Variants in WASHC2C observed in about 807,000 individuals in gnomAD.
The protein encoded by WASHC2C is Vaccinia Penetration Factor.
A neutral mutation model predicts 142.2 loss-of-function variants in WASHC2C; 73 were observed. The observed-to-expected ratio is 0.51, with a 90% confidence interval of 0.43 to 0.62. The LOEUF is 0.62. WASHC2C is among the 20% of genes least tolerant of loss of function. WASHC2C has a pLI of 0.00. For synonymous variants in WASHC2C, 337 were observed against 565.5 expected (o/e 0.60, Z 5.73); for missense variants, 969 against 1,531.7 (o/e 0.63, Z 6.13).
At chr10:45,762,893 G>A (rs1364476627) in intron 17 of WASHC2C, among the ~76,000 whole-genome samples, 19 of 152,154 alleles carry the variant, frequency 1.2e-4, no homozygotes, top group African/African-American at 3.1e-4. Context: ...GCAACAGAGC[G>A]AGACTCTGCC....
At chr10:45,761,083 C>T (rs1411231963) in intron 17 of WASHC2C, among the ~76,000 whole-genome samples, 1 of 151,948 alleles carries the variant, frequency 6.6e-6, no homozygotes, top group East Asian at 1.9e-4. Context: ...TGTTGTCTCA[C>T]AGTTCGAGAG....
At chr10:45,780,112 C>T (rs1287606504) in intron 23 of WASHC2C, among the ~76,000 whole-genome samples, 9 of 151,194 alleles carry the variant, frequency 6.0e-5, no homozygotes, top group Non-Finnish European at 1.2e-4. Flanking sequence ...AAATCCTCAA[C>T]AAAAATACTA....
At chr10:45,748,280 T>G (rs2134487812) in intron 8 of WASHC2C, among the ~76,000 whole-genome samples, 1 of 127,246 alleles carries the variant, frequency 7.9e-6, no homozygotes, top group South Asian at 2.6e-4. Context: ...CAGTTTTTCT[T>G]TCCTTTTTTT....
At position 45,789,446 on chromosome 10, in the gene WASHC2C, C is replaced by A; in HGVS notation, c.3663C>A (p.Ser1221=). ...AAGTCAAGAAGAATGAGACAAAATC[C>A]AGTAGTCAGCAGGATGTCATATTAA... ...DQKVKKNETK[S]SSQQDVILTT... Residue 1221 remains serine, a synonymous_variant, in exon 29 of 31, where the codon TCC becomes TCA. Transcript: ENST00000623400. 6.2e-7 allele frequency: 1 copy of A among 1,611,982 alleles called. No homozygotes were observed. The highest frequency in any genetic ancestry group is 8.5e-7 in the Non-Finnish European group (1 of 1,179,850).
intron 3 of WASHC2C, among the ~76,000 whole-genome samples, chr10:45,730,174 G>A (rs1289329521): frequency 7.0e-5 from 9 of 128,192 alleles, no homozygotes; most frequent in Non-Finnish European, 9.9e-5. Flanking sequence ...GAGAAACCCC[G>A]TCTCTACTAA....
intron 19 of WASHC2C, among the ~76,000 whole-genome samples, chr10:45,766,429 C>A (rs2135253560): frequency 6.9e-6 from 1 of 144,164 alleles, no homozygotes; most frequent in South Asian, 2.3e-4. Flanking sequence ...TGACCTACTC[C>A]AGAGAGGGTT....
At chr10:45,741,353 TTGC>T (rs1209102943) in intron 5 of WASHC2C, among the ~76,000 whole-genome samples, 1 of 152,172 alleles carries the variant, frequency 6.6e-6, no homozygotes, top group Non-Finnish European at 1.5e-5. Flanking sequence ...ACCAGTACAC[TTGC>T]TGCTTGGATT....
intron 23 of WASHC2C, 108 bp from the exon 24 acceptor site, chr10:45,784,457 A>T (rs2057876480): frequency 7.3e-7 from 1 of 1,377,062 alleles, no homozygotes; most frequent in Non-Finnish European, 9.7e-7. Context: ...TTGCTAATAT[A>T]ATACAGCTGC....
intron 4 of WASHC2C, among the ~76,000 whole-genome samples, chr10:45,739,371 C>G (rs2051694321): frequency 6.8e-6 from 1 of 147,198 alleles, no homozygotes; most frequent in Non-Finnish European, 1.5e-5. Flanking sequence ...GGGGAAATGA[C>G]ACTAAATATT....
intron 21 of WASHC2C, among the ~76,000 whole-genome samples, chr10:45,773,850 A>AC (rs2056837788): frequency 7.2e-6 from 1 of 139,326 alleles, no homozygotes; most frequent in Non-Finnish European, 1.6e-5. Context: ...GTAAAAAAAA[A>AC]CCCAGGGTGG....
intron 3 of WASHC2C, among the ~76,000 whole-genome samples, chr10:45,735,730 T>C (rs1232293943): frequency 6.6e-6 from 1 of 152,230 alleles, no homozygotes; most frequent in Non-Finnish European, 1.5e-5. Context: ...AGTAGAATTT[T>C]GGGTCAGAGG....
intron 23 of WASHC2C, among the ~76,000 whole-genome samples, 183 bp from the exon 24 acceptor site, chr10:45,784,382 A>G (rs2057870937): frequency 7.1e-6 from 1 of 141,812 alleles, no homozygotes. Context: ...TGGAAGCGCC[A>G]TAGCATTCCA....
chr10:45,779,505 C>G (rs2057338159), intron 23 of WASHC2C, among the ~76,000 whole-genome samples: 1 of 152,180 alleles, frequency 6.6e-6, no homozygotes, highest in African/African-American at 2.4e-5. Context: ...GTAGATGAAC[C>G]TTTCATACTG....
intron 7 of WASHC2C, among the ~76,000 whole-genome samples, chr10:45,745,710 A>G (rs2052732934): frequency 6.6e-6 from 1 of 151,990 alleles, no homozygotes; most frequent in South Asian, 2.1e-4. Flanking sequence ...CACTTCATCA[A>G]TAGTTGCTCG....
intron 25 of WASHC2C, 94 bp from the exon 26 acceptor site, chr10:45,785,415 A>T: frequency 6.7e-7 from 1 of 1,490,764 alleles, no homozygotes. Flanking sequence ...AGTATTTTTA[A>T]GACTCAGAAG....
intron 6 of WASHC2C, among the ~76,000 whole-genome samples, chr10:45,744,240 G>A (rs2052517851): frequency 6.8e-6 from 1 of 148,044 alleles, no homozygotes; most frequent in African/African-American, 2.5e-5. Flanking sequence ...TGTATTTTTA[G>A]TAGAGATGGG....
chr10:45,765,638 A>C, intron 18 of WASHC2C, 41 bp from the exon 19 acceptor site: 1 of 1,609,586 alleles, frequency 6.2e-7, no homozygotes, highest in Non-Finnish European at 8.5e-7. Flanking sequence ...ATGTTTTCTG[A>C]TTATAAAGTT....
At chr10:45,790,269 T>C (rs1238034061) in intron 29 of WASHC2C, 87 bp from the exon 30 acceptor site, 7 of 1,600,896 alleles carry the variant, frequency 4.4e-6, no homozygotes, top group Non-Finnish European at 4.3e-6. Context: ...CCCTGGCCAA[T>C]TGCATTTCCA....
chr10:45,757,953 TG>T (rs1216033857), intron 16 of WASHC2C, among the ~76,000 whole-genome samples: 1 of 152,260 alleles, frequency 6.6e-6, no homozygotes, highest in African/African-American at 2.4e-5. Flanking sequence ...TATTTTTTTA[TG>T]TTTTGATTTT....
Sources: allele counts gnomAD v4.1 joint callset (sites outside exome capture counted in the v4.1 genomes callset), GRCh38; gene constraint gnomAD v4.1.1; transcripts MANE v1.5; gene names NCBI Gene and HGNC (gene_info 2026-07-23, HGNC 2026-07-21).